Variants in PRRG2 observed in about 807,000 individuals in gnomAD.
PRRG2 encodes transmembrane gamma-carboxyglutamic acid protein 2.
In PRRG2, 23 loss-of-function variants were observed where a neutral mutation model predicts 27.1. The observed-to-expected ratio is 0.85, with a 90% CI of 0.61 to 1.20. The LOEUF (loss-of-function observed/expected upper bound fraction) is 1.20, where lower values mean the gene tolerates loss of function less well. PRRG2 is among the 50% of genes most tolerant of loss of function. The pLI is 0.00. For synonymous variants in PRRG2, 104 were observed against 103.4 expected, an observed-to-expected ratio of 1.01 and a Z score of -0.03; for missense variants, 276 against 254.8, an observed-to-expected ratio of 1.08 and a Z score of -0.57.
chr19:49,584,065 A>G, intron 4 of PRRG2, 113 bp downstream of exon 4: 1 of 1,156,890 alleles, frequency 8.6e-7, no homozygotes, highest in Non-Finnish European at 1.2e-6. Flanking sequence ...TCTGCCCCCC[A>G]ATTCTGTGCT....
chr19:49,583,598 C>G lies in PRRG2; in HGVS notation c.142C>G (p.Pro48Ala). The change falls in exon 3 of 7, where the codon CCA becomes GCA. Residue 48 changes from proline (P) to alanine (A), a missense_variant. By Grantham distance (27) the Pro-to-Ala change is conservative. Transcript: ENST00000246794. ...QSFLSSHTRI[P>A]RANHWDLELL... The stretch of plus-strand genomic sequence containing the variant: ...CTTCCTGAGTAGCCATACCCGGATT[C>G]CAAGAGCCAACCACTGGGACCTGGA... 6.2e-7 allele frequency: 1 copy of G among 1,614,232 alleles called. No individual in the cohort carries two copies. The highest frequency in any genetic ancestry group is 8.5e-7 in the Non-Finnish European group (1 of 1,180,042).
chr19:49,582,474 G>A (rs2080634622), intron 1 of PRRG2, among the ~76,000 whole-genome samples: 1 of 151,642 alleles, frequency 6.6e-6, no homozygotes, highest in African/African-American at 2.4e-5. Context: ...AGTAAAATGA[G>A]TTGAGGCCGG....
chr19:49,590,676 GAA>G lies in PRRG2; in HGVS notation c.*289_*290del, dbSNP rs113688922. The G allele has an allele frequency of 1.3e-3, 675 of 503,106 alleles. 4 individuals are homozygous for G. Among genetic ancestry groups the G allele is most frequent in the African/African-American group, 9.0e-3 (464 of 51,386 alleles). 31.2% of individuals were successfully genotyped at this position (503,106 alleles called of 1,614,324 possible). The stretch of plus-strand genomic sequence containing the variant: ...CCCCCGTGGTAGGCAGACGCGCGGG[GAA>G]ATTCGGACCCAGGAGCCCAGCCCCG... On this transcript the variant is annotated 3_prime_UTR_variant, in exon 7 of 7. Coordinates refer to ENST00000246794, the MANE Select transcript of PRRG2 (RefSeq NM_000951.3).
At chr19:49,586,387 ATTTTT>A (rs34299965) in intron 4 of PRRG2, among the ~76,000 whole-genome samples, 80 of 137,708 alleles carry the variant, frequency 5.8e-4, no homozygotes, top group Admixed American at 8.1e-4. Context: ...AAGCCCGGCC[ATTTTT>A]TTTTTTTTTT....
Position 49,590,491 on chromosome 19 carries a change from G to C in PRRG2, c.*102G>C. On this transcript the variant is annotated 3_prime_UTR_variant, in exon 7 of 7. Transcript: ENST00000246794. ...AGACGCCGAAGCTGGACTTGGAGTG[G>C]GGAATGGTGGGAGTAGGGGTCATCC... is the stretch of plus-strand genomic sequence containing the variant. 1 of 1,523,806 alleles carries C rather than the reference G, an allele frequency of 6.6e-7. No homozygotes were observed. Among genetic ancestry groups the C allele is most frequent in the Non-Finnish European group, 9.0e-7 (1 of 1,105,148 alleles). 94.4% of individuals were successfully genotyped at this position (1,523,806 alleles called of 1,614,324 possible).
At position 49,588,572 on chromosome 19, in the gene PRRG2, T is replaced by A. The variant is rs1286516276; in HGVS notation, c.377T>A (p.Leu126Gln). The change falls in exon 5 of 7, where the codon CTG becomes CAG. Residue 126 changes from leucine (L) to glutamine (Q), a missense_variant. By Grantham distance (113) the Leu-to-Gln change is moderately radical (BLOSUM62 -2). Transcript: ENST00000246794. ...ATCCTGCTCATTGTCCTGGCCGGCC[T>A]GGGAGCCTTTTGGTATCTGCGCTGG... The part of the protein sequence containing the change: ...GGILLIVLAG[L>Q]GAFWYLRWRQ... The A allele has an allele frequency of 6.4e-7, 1 of 1,558,716 alleles. No individual in the cohort carries two copies. The highest frequency in any genetic ancestry group is 1.4e-5 in the African/African-American group (1 of 73,378).
At chr19:49,588,714 A>AT (rs2080691416) in intron 5 of PRRG2, 82 bp downstream of exon 5, 1 of 1,429,586 alleles carries the variant, frequency 7.0e-7, no homozygotes. Flanking sequence ...TGTGCTAAGG[A>AT]TTGGGGGCAG....
At chr19:49,582,481 C>G (rs979650460) in intron 1 of PRRG2, among the ~76,000 whole-genome samples, 1 of 151,648 alleles carries the variant, frequency 6.6e-6, no homozygotes, top group African/African-American at 2.4e-5. Flanking sequence ...TGAGTTGAGG[C>G]CGGGCACAGT....
chr19:49,585,002 C>A (rs771148549), intron 4 of PRRG2, among the ~76,000 whole-genome samples: 43 of 152,212 alleles, frequency 2.8e-4, no homozygotes, highest in Non-Finnish European at 4.4e-4. Flanking sequence ...CATTTTGCCC[C>A]CAAGAACCCC....
Position 49,589,960 on chromosome 19 carries a change from T to TCCACCC in PRRG2, c.514_519dup (p.Pro172_Pro173dup), listed in dbSNP as rs745541502. On this transcript the variant is annotated inframe_insertion, in exon 6 of 7. Transcript: ENST00000246794. ...CTCTGGGCCCACCGACGCCCCTGCC[T>TCCACCC]CCACCCCCACCCCCACCCCCAGGCC... is the stretch of plus-strand genomic sequence containing the variant. The TCCACCC allele has an allele frequency of 0.054, 84,449 of 1,565,280 alleles. 2,432 individuals carry two copies. The highest frequency in any genetic ancestry group is 0.1 in the South Asian group (9,160 of 88,694).
chr19:49,584,374 G>A (rs1471410227), intron 4 of PRRG2, among the ~76,000 whole-genome samples: 1 of 152,174 alleles, frequency 6.6e-6, no homozygotes, highest in African/African-American at 2.4e-5. Flanking sequence ...GTTTCACCGT[G>A]TTAGCCAGGA....
intron 1 of PRRG2, among the ~76,000 whole-genome samples, chr19:49,582,239 T>TAAAAAA (rs760309836): frequency 1.3e-5 from 1 of 74,806 alleles, no homozygotes; most frequent in African/African-American, 6.0e-5. Flanking sequence ...AGACTCTGTC[T>TAAAAAA]AAAAAAAAAA....
chr19:49,585,881 A>C (rs1322412592), intron 4 of PRRG2, among the ~76,000 whole-genome samples: 1 of 151,852 alleles, frequency 6.6e-6, no homozygotes, highest in East Asian at 1.9e-4. Context: ...GGAGTTTGAG[A>C]CCAGTCTGGT....
rs1321176890 is a variant in PRRG2 at position 49,583,188 on chromosome 19, G to C, written c.-13-19G>C. ...CCAGGGACTAAGGCCCTTGTCAGCTGTAACAAACCTGGTTCTAGGTGTCTG... is the reference window on the plus strand; with the variant it reads ...CCAGGGACTAAGGCCCTTGTCAGCTCTAACAAACCTGGTTCTAGGTGTCTG... On this transcript the variant is annotated intron_variant, in intron 1 of 6. Coordinates refer to ENST00000246794, the MANE Select transcript of PRRG2 (RefSeq NM_000951.3). The C allele has an allele frequency of 6.2e-7, 1 of 1,601,410 alleles. No individual in the cohort carries two copies. Among genetic ancestry groups the C allele is most frequent in the Non-Finnish European group, 8.6e-7 (1 of 1,169,166 alleles).
At chr19:49,587,640 C>T (rs755646973) in intron 4 of PRRG2, among the ~76,000 whole-genome samples, 20 of 151,990 alleles carry the variant, frequency 1.3e-4, no homozygotes, top group Non-Finnish European at 1.9e-4. Context: ...CATGCGCCAC[C>T]GTGCCTGGAT....
chr19:49,589,188 C>T (rs1483593446), intron 5 of PRRG2, among the ~76,000 whole-genome samples: 2 of 141,676 alleles, frequency 1.4e-5, no homozygotes, highest in African/African-American at 5.4e-5. Flanking sequence ...AGTGCAATGG[C>T]ATGATCTTGG....
In PRRG2 at chr19:49,583,541, G is replaced by C; in HGVS notation, c.86-1G>C. ...TCTGTCCCTCATGTCTTTGGGTCCA[G>C]AAGTCTTCCTGGGTCCCCCAGAGGC... On this transcript the variant is annotated splice_acceptor_variant, in intron 2 of 6. Coordinates refer to ENST00000246794, the MANE Select transcript of PRRG2 (RefSeq NM_000951.3). LOFTEE classifies it high-confidence loss of function. 6.2e-7 allele frequency: 1 copy of C among 1,613,962 alleles called. No individual in the cohort carries two copies. Among genetic ancestry groups the C allele is most frequent in the South Asian group, 1.1e-5 (1 of 91,084 alleles).
intron 4 of PRRG2, among the ~76,000 whole-genome samples, chr19:49,587,313 CAT>C (rs1328963474): frequency 6.8e-6 from 1 of 146,038 alleles, no homozygotes; most frequent in Non-Finnish European, 1.5e-5. Context: ...CCAAGTAGTA[CAT>C]GTGACATCCT....
In PRRG2 at chr19:49,583,571, A is replaced by G; in HGVS notation, c.115A>G (p.Ser39Gly). The change falls in exon 3 of 7, where the codon AGC becomes GGC. Residue 39 changes from serine (S) to glycine (G), a missense_variant. Ser to Gly is a moderately conservative substitution (Grantham distance 56). Coordinates refer to ENST00000246794, the MANE Select transcript of PRRG2 (RefSeq NM_000951.3). Reference protein sequence around the residue: ...EVFLGPPEAQSFLSSHTRIPR... With the variant: ...EVFLGPPEAQGFLSSHTRIPR... ...CTTCCTGGGTCCCCCAGAGGCCCAG[A>G]GCTTCCTGAGTAGCCATACCCGGAT... 6.2e-7 allele frequency: 1 copy of G among 1,614,132 alleles called. No homozygotes were observed. The highest frequency in any genetic ancestry group is 8.5e-7 in the Non-Finnish European group (1 of 1,180,028).
Sources: gnomAD v4.1 joint callset for allele counts (sites outside exome capture counted in the v4.1 genomes callset) on GRCh38, gnomAD v4.1.1 for gene constraint, MANE v1.5 for transcripts, NCBI Gene and HGNC (gene_info 2026-07-23, HGNC 2026-07-21) for gene names.